The following GRID2 variants were observed in gnomAD, a reference collection of about 807,000 sequenced individuals.
GRID2 encodes glutamate ionotropic receptor delta type subunit 2.
A neutral mutation model predicts 114.8 loss-of-function variants in GRID2; 33 were observed. The ratio of observed to expected loss-of-function variants is 0.29; its 90% CI spans 0.22 to 0.38. GRID2 has a LOEUF of 0.38. Ranked by LOEUF, GRID2 falls within the 10% of genes least tolerant of loss-of-function variation. The probability of loss-of-function intolerance (pLI) is 1.00; values close to 1 mark genes in which losing one functional copy is unlikely to be tolerated. For missense variants in GRID2, 1,184 were observed against 1,257.7 expected, an observed-to-expected ratio of 0.94 and a Z score of 0.89; for synonymous variants, 505 against 449.9, an observed-to-expected ratio of 1.12 and a Z score of -1.55.
intron 8 of GRID2, among the ~76,000 whole-genome samples, chr4:93,261,153 T>TAA (rs200882715): frequency 6.6e-6 from 1 of 150,982 alleles, no homozygotes; most frequent in African/African-American, 2.4e-5. Flanking sequence ...TGACACATGT[T>TAA]AAAAAAAAAC....
chr4:92,537,787 G>GTA (rs1248904114), intron 1 of GRID2, among the ~76,000 whole-genome samples: 39 of 102,546 alleles, frequency 3.8e-4, no homozygotes, highest in African/African-American at 2.1e-3. Flanking sequence ...AACTTGCGGT[G>GTA]TGTGTGTGTG....
intron 2 of GRID2, among the ~76,000 whole-genome samples, chr4:92,689,822 G>A (rs1280679497): frequency 6.6e-6 from 1 of 152,076 alleles, no homozygotes; most frequent in African/African-American, 2.4e-5. Context: ...TAGCTTCTTT[G>A]GCTAAACTTC....
At chr4:93,771,988 A>T in intron 15 of GRID2, 88 bp from the exon 16 acceptor site, 1 of 749,548 alleles carries the variant, frequency 1.3e-6, no homozygotes, top group Non-Finnish European at 2.3e-6. Context: ...AAGTTCAGTT[A>T]ATTACATGTT....
intron 2 of GRID2, among the ~76,000 whole-genome samples, chr4:92,686,191 T>C (rs959187077): frequency 6.6e-6 from 1 of 152,040 alleles, no homozygotes; most frequent in Non-Finnish European, 1.5e-5. Context: ...CCTGCTTAAA[T>C]TCAAGCATTT....
intron 8 of GRID2, among the ~76,000 whole-genome samples, chr4:93,272,910 A>G (rs1311109040): frequency 1.3e-5 from 2 of 152,158 alleles, no homozygotes; most frequent in Non-Finnish European, 2.9e-5. Context: ...TCAATGACAA[A>G]ATTGTTTGCT....
At chr4:93,615,221 G>C (rs141944321) in intron 13 of GRID2, among the ~76,000 whole-genome samples, 245 of 152,242 alleles carry the variant, frequency 1.6e-3, no homozygotes, top group African/African-American at 5.7e-3. Flanking sequence ...GATTCTACAA[G>C]CTTTCTTTTA....
intron 4 of GRID2, among the ~76,000 whole-genome samples, chr4:93,194,188 C>T (rs563723408): frequency 6.6e-6 from 1 of 152,068 alleles, no homozygotes. Flanking sequence ...CTGATCTTAT[C>T]ACTTGAGATG....
chr4:93,092,403 C>T lies in GRID2; in HGVS notation c.529+7124C>T, dbSNP rs993636615. On this transcript the variant is annotated intron_variant, in intron 3 of 15. Transcript: ENST00000282020. Reference sequence around the variant, plus strand: ...GCAGTCCTAAGAAGTGATCAGAGGCCAAAATAGTCAATGTGCTTGCAGTGG... The same window carrying T: ...GCAGTCCTAAGAAGTGATCAGAGGCTAAAATAGTCAATGTGCTTGCAGTGG... Among the ~76,000 whole-genome samples, 3 of 151,956 alleles carry T rather than the reference C, an allele frequency of 2.0e-5. No homozygotes were observed. The East Asian group carries it at 5.8e-4, about 29-fold the overall frequency.
intron 13 of GRID2, among the ~76,000 whole-genome samples, chr4:93,527,860 C>T (rs1731067668): frequency 6.6e-6 from 1 of 151,976 alleles, no homozygotes; most frequent in African/African-American, 2.4e-5. Flanking sequence ...ACTAAAAATT[C>T]CCTCCTCCCA....
chr4:92,585,068 A>T (rs994997628), intron 1 of GRID2, among the ~76,000 whole-genome samples: 4 of 151,988 alleles, frequency 2.6e-5, no homozygotes, highest in Non-Finnish European at 5.9e-5. Flanking sequence ...ATATTTGGCC[A>T]CTAAATAATT....
chr4:93,772,512 C>G lies in GRID2; in HGVS notation c.*14C>G. On this transcript the variant is annotated 3_prime_UTR_variant, in exon 16 of 16. Coordinates refer to ENST00000282020, the MANE Select transcript of GRID2 (RefSeq NM_001510.4). ...ACCTCCATATGAGCATCAAACAAAT[C>G]TCTTCACTGTTTCTTTTTTAGGACT... The G allele has an allele frequency of 1.3e-6, 2 of 1,538,076 alleles. No homozygotes were observed. The highest frequency in any genetic ancestry group is 2.0e-5 in the Admixed American group (1 of 49,714).
chr4:92,920,859 GTGT>G (rs1466546905), intron 2 of GRID2, among the ~76,000 whole-genome samples: 2 of 152,146 alleles, frequency 1.3e-5, no homozygotes, highest in East Asian at 3.9e-4. Flanking sequence ...TATCTTTGTG[GTGT>G]TCTCTGTATT....
At chr4:92,721,200 G>A (rs1216456743) in intron 2 of GRID2, among the ~76,000 whole-genome samples, 1 of 151,992 alleles carries the variant, frequency 6.6e-6, no homozygotes, top group Non-Finnish European at 1.5e-5. Flanking sequence ...ATTTCAGTTT[G>A]GAAAGATGAA....
intron 3 of GRID2, among the ~76,000 whole-genome samples, chr4:93,110,052 T>C (rs1732619041): frequency 6.6e-6 from 1 of 152,172 alleles, no homozygotes; most frequent in South Asian, 2.1e-4. Flanking sequence ...AAAATGTTAC[T>C]TAATATTTTC....
At chr4:92,889,161 G>A (rs1402169648) in intron 2 of GRID2, among the ~76,000 whole-genome samples, 1 of 152,070 alleles carries the variant, frequency 6.6e-6, no homozygotes, top group African/African-American at 2.4e-5. Context: ...AAGTATTTAA[G>A]AGAAAGTAAT....
chr4:93,205,498 TATAG>T (rs1742628013), intron 4 of GRID2, among the ~76,000 whole-genome samples: 1 of 152,176 alleles, frequency 6.6e-6, no homozygotes. Flanking sequence ...CTTCATTTTT[TATAG>T]CTGCATAGTA....
chr4:93,577,147 G>A lies in GRID2; in HGVS notation c.2194-49122G>A, dbSNP rs568400602. Reference sequence around the variant, plus strand: ...TCTTCCTTAATTAAGCATGTATTAAGTGTTTACACTCAAGCGTCATACAAA... The same window carrying A: ...TCTTCCTTAATTAAGCATGTATTAAATGTTTACACTCAAGCGTCATACAAA... On this transcript the variant is annotated intron_variant, in intron 13 of 15. Coordinates refer to ENST00000282020, the MANE Select transcript of GRID2 (RefSeq NM_001510.4). Among the ~76,000 whole-genome samples, 6 of 152,186 alleles carry A rather than the reference G, an allele frequency of 3.9e-5. 1 individual carries two copies. Among genetic ancestry groups the A allele is most frequent in the African/African-American group, 1.4e-4 (6 of 41,518 alleles).
rs115728066 is a variant in GRID2 at position 92,496,232 on chromosome 4, A to G, written c.89-93899A>G. 2.7e-3 allele frequency among the ~76,000 whole-genome samples: 404 copies of G among 151,990 alleles called. 1 individual carries two copies. The highest frequency in any genetic ancestry group is 9.3e-3 in the African/African-American group (385 of 41,550). On this transcript the variant is annotated intron_variant, in intron 1 of 15. Coordinates refer to ENST00000282020, the MANE Select transcript of GRID2 (RefSeq NM_001510.4). ...TCAGAATGACTGACACACAATTTCA[A>G]TATATGTACACACTCTCCTTTACCT...
chr4:93,223,672 C>T (rs1222769766), intron 6 of GRID2, among the ~76,000 whole-genome samples: 1 of 152,034 alleles, frequency 6.6e-6, no homozygotes, highest in East Asian at 1.9e-4. Context: ...TACATTGATT[C>T]CTCATTTTTT....
Sources: allele counts gnomAD v4.1 joint callset (sites outside exome capture counted in the v4.1 genomes callset), GRCh38; gene constraint gnomAD v4.1.1; transcripts MANE v1.5; gene names NCBI Gene and HGNC (gene_info 2026-07-23, HGNC 2026-07-21).